The following ZFP2 variants were observed in gnomAD, a reference collection of about 807,000 sequenced individuals.
ZFP2 encodes zinc finger protein ZFP2.
ZFP2 carries 33 observed loss-of-function variants against 36.1 expected under a neutral mutation model. The observed-to-expected ratio is 0.92, with a 90% confidence interval of 0.69 to 1.22. ZFP2 has a LOEUF of 1.22. Ranked by LOEUF, ZFP2 falls within the 50% of genes most tolerant of loss-of-function variation. The pLI, the probability that ZFP2 is intolerant of heterozygous loss-of-function variation, is 0.00. For synonymous variants in ZFP2, 170 were observed against 178.0 expected, an observed-to-expected ratio of 0.96 and a Z score of 0.36; for missense variants, 522 against 551.4, an observed-to-expected ratio of 0.95 and a Z score of 0.53.
chr5:178,910,724 G>T (rs555845157), intron 1 of ZFP2: 8 of 259,772 alleles, frequency 3.1e-5, no homozygotes, highest in East Asian at 9.6e-5. Context: ...TGCTCCAGAG[G>T]TTCCTCCAGT....
chr5:178,904,979 G>A (rs1188153869), intron 1 of ZFP2, among the ~76,000 whole-genome samples: 1 of 152,100 alleles, frequency 6.6e-6, no homozygotes, highest in Non-Finnish European at 1.5e-5. Context: ...GGGATTACAG[G>A]AGTGAGCCAC....
chr5:178,923,234 C>T (rs1452914529), intron 4 of ZFP2, among the ~76,000 whole-genome samples: 2 of 149,490 alleles, frequency 1.3e-5, no homozygotes, highest in African/African-American at 2.4e-5. Context: ...CACCGCCATC[C>T]GTCTCCAGAA....
In ZFP2 at chr5:178,931,497, G is replaced by GAC. The variant is rs759524916; in HGVS notation, c.185_186insCA (p.Thr63IlefsTer9). 4.3e-6 allele frequency: 7 copies of GAC among 1,614,158 alleles called. No homozygotes were observed. Among genetic ancestry groups the GAC allele is most frequent in the Non-Finnish European group, 5.9e-6 (7 of 1,180,036 alleles). On this transcript the variant is annotated frameshift_variant, in exon 5 of 5. Transcript: ENST00000361362. LOFTEE classifies it high-confidence loss of function. Reference sequence around the variant, plus strand: ...ATGTTCCAGTCAGGATTCAATCCTTGATACACAGCAAAGCATTCCTATGGT... The same window carrying GAC: ...ATGTTCCAGTCAGGATTCAATCCTTGACATACACAGCAAAGCATTCCTATGGT...
At position 178,931,960 on chromosome 5, in the gene ZFP2, G is replaced by A. The variant is rs1256531004; in HGVS notation, c.647G>A (p.Cys216Tyr). ...RIHTGEKPYK[C>Y]NECGKAFTQS... is the part of the protein sequence containing the mutation. The stretch of plus-strand genomic sequence containing the variant: ...CATACTGGAGAGAAACCCTACAAAT[G>A]TAATGAATGTGGTAAAGCTTTTACC... The change falls in exon 5 of 5, where the codon TGT becomes TAT. Residue 216 changes from cysteine (C) to tyrosine (Y), a missense_variant. By Grantham distance (194) the Cys-to-Tyr change is radical. Coordinates refer to ENST00000361362, the MANE Select transcript of ZFP2 (RefSeq NM_030613.4). 1 of 1,613,970 alleles carries A rather than the reference G, an allele frequency of 6.2e-7. No homozygotes were observed. The highest frequency in any genetic ancestry group is 8.5e-7 in the Non-Finnish European group (1 of 1,179,968).
intron 1 of ZFP2, among the ~76,000 whole-genome samples, chr5:178,911,433 C>G (rs1359069606): frequency 3.9e-5 from 6 of 152,304 alleles, no homozygotes; most frequent in African/African-American, 1.4e-4. Context: ...GCCACCTGCT[C>G]TACCTTCGCC....
At chr5:178,919,070 A>G (rs1476501344) in intron 4 of ZFP2, among the ~76,000 whole-genome samples, 1 of 152,238 alleles carries the variant, frequency 6.6e-6, no homozygotes, top group Non-Finnish European at 1.5e-5. Flanking sequence ...AACATTAAAT[A>G]GTAGTAGTAA....
chr5:178,899,408 A>C (rs1030129677), intron 1 of ZFP2, among the ~76,000 whole-genome samples: 4 of 152,172 alleles, frequency 2.6e-5, no homozygotes, highest in Admixed American at 2.6e-4. Flanking sequence ...GGAATGTTGA[A>C]GTTATTCAGT....
intron 3 of ZFP2, chr5:178,913,909 T>C (rs1406179327): frequency 6.7e-6 from 1 of 149,204 alleles, no homozygotes; most frequent in Non-Finnish European, 1.5e-5. Context: ...CAGGCTGGAG[T>C]GCAGTGGCAC....
chr5:178,896,202 G>C (rs1465375402), intron 1 of ZFP2, among the ~76,000 whole-genome samples: 3 of 152,244 alleles, frequency 2.0e-5, no homozygotes, highest in African/African-American at 7.2e-5. Context: ...CACGCTGGCA[G>C]CTGAGTGTCC....
intron 3 of ZFP2, among the ~76,000 whole-genome samples, chr5:178,916,341 C>G (rs1488597025): frequency 1.3e-5 from 2 of 152,172 alleles, no homozygotes; most frequent in Admixed American, 1.3e-4. Flanking sequence ...CTTTTAAGTA[C>G]AGACTGTCGT....
At chr5:178,926,397 G>A (rs1462828499) in intron 4 of ZFP2, among the ~76,000 whole-genome samples, 3 of 152,140 alleles carry the variant, frequency 2.0e-5, no homozygotes, top group Non-Finnish European at 4.4e-5. Context: ...ATTCTCCTTT[G>A]CTTGTTATGT....
chr5:178,912,852 A>T, intron 2 of ZFP2, 130 bp from the exon 3 acceptor site: 3 of 884,314 alleles, frequency 3.4e-6, no homozygotes, highest in Non-Finnish European at 4.1e-6. Flanking sequence ...AGAGAATGGA[A>T]AATGGGGAAC....
rs774327422 is a variant in ZFP2, at chr5:178,931,910, A to C, written c.597A>C (p.Ser199=). ...KECGKAFHKN[S]SLIQHERIHT... ...GTGGCAAAGCCTTCCATAAGAATTC[A>C]TCTCTTATTCAGCATGAAAGGATTC... The change falls in exon 5 of 5, where the codon TCA becomes TCC. Residue 199 remains serine (S), a synonymous_variant. Coordinates refer to ENST00000361362, the MANE Select transcript of ZFP2 (RefSeq NM_030613.4). The C allele has an allele frequency of 4.3e-6, 7 of 1,613,984 alleles. No individual in the cohort carries two copies. The highest frequency in any genetic ancestry group is 5.9e-6 in the Non-Finnish European group (7 of 1,179,998).
chr5:178,923,748 CTTTT>C (rs75564560), intron 4 of ZFP2, among the ~76,000 whole-genome samples: 2 of 140,048 alleles, frequency 1.4e-5, no homozygotes, highest in African/African-American at 5.1e-5. Flanking sequence ...TGTAGGTAAT[CTTTT>C]TTTTTTTTTC....
At chr5:178,927,657 T>C (rs113764698) in intron 4 of ZFP2, among the ~76,000 whole-genome samples, 12,494 of 139,696 alleles carry the variant, frequency 0.089, 676 homozygotes, top group Non-Finnish European at 0.13. Flanking sequence ...CCATCATACC[T>C]GGCCAATGTG....
chr5:178,897,876 C>A (rs1016510947), intron 1 of ZFP2, among the ~76,000 whole-genome samples: 3 of 152,130 alleles, frequency 2.0e-5, no homozygotes, highest in African/African-American at 7.2e-5. Context: ...TATTGTGTTC[C>A]AATTCTTGTA....
At position 178,912,979 on chromosome 5, in the gene ZFP2, C is replaced by T. The variant is rs548050600; in HGVS notation, c.-313-3C>T. 2.1e-5 allele frequency: 21 copies of T among 985,798 alleles called. No individual in the cohort carries two copies. Among genetic ancestry groups the T allele is most frequent in the Middle Eastern group, 1.0e-3 (2 of 1,914 alleles). 61.1% of individuals were successfully genotyped at this position (985,798 alleles called of 1,614,324 possible). On this transcript the variant is annotated splice_polypyrimidine_tract_variant and splice_region_variant and intron_variant, in intron 2 of 4. Transcript: ENST00000361362. ...CAAATTTAATGTCTCTCCTCTTAAG[C>T]AGGAAATCACCTTTCCAAACCCAAT...
In ZFP2 at chr5:178,922,754, T is replaced by C; in HGVS notation, c.-78+6044T>C. The C allele has an allele frequency of 7.2e-6, 11 of 1,536,026 alleles. 1 individual carries two copies. The highest frequency in any genetic ancestry group is 9.8e-6 in the Non-Finnish European group (11 of 1,128,150). ...AAAGGGAGATATTTCTTTGTGCAGA[T>C]TCTGTAAGGGCTGTGCAGAAATGTG... On this transcript the variant is annotated intron_variant, in intron 4 of 4. Transcript: ENST00000361362.
intron 1 of ZFP2, among the ~76,000 whole-genome samples, chr5:178,911,961 C>T (rs13154558): frequency 0.36 from 54,364 of 151,796 alleles, 9,949 homozygotes; most frequent in East Asian, 0.49. Context: ...CATGGTGAAA[C>T]TCCATCTCTA....
Sources: gnomAD v4.1 joint callset for allele counts (sites outside exome capture counted in the v4.1 genomes callset) on GRCh38, gnomAD v4.1.1 for gene constraint, MANE v1.5 for transcripts, NCBI Gene and HGNC (gene_info 2026-07-23, HGNC 2026-07-21) for gene names.